The following LGR6 variants were observed in gnomAD, a reference collection of about 807,000 sequenced individuals.
LGR6 encodes leucine-rich repeat-containing G protein-coupled receptor 6.
In LGR6, 45 loss-of-function variants were observed where a neutral mutation model predicts 69.4. The observed-to-expected ratio is 0.65, with a 90% confidence interval of 0.51 to 0.83. LGR6 has a LOEUF of 0.83. Among genes scored for constraint, LGR6 ranks in the 40% least tolerant of loss-of-function variants. The probability of loss-of-function intolerance (pLI) is 0.00; values close to 1 mark genes in which losing one functional copy is unlikely to be tolerated. For missense variants in LGR6, 1,108 were observed against 1,246.7 expected, an observed-to-expected ratio of 0.89 and a Z score of 1.68; for synonymous variants, 538 against 555.0, an observed-to-expected ratio of 0.97 and a Z score of 0.43.
chr1:202,273,837 G>A (rs1161170912), intron 4 of LGR6, among the ~76,000 whole-genome samples: 1 of 151,994 alleles, frequency 6.6e-6, no homozygotes, highest in East Asian at 1.9e-4. Flanking sequence ...TTCCCTCAAG[G>A]CCCTCATTCA....
At chr1:202,254,084 C>T (rs980459036) in intron 4 of LGR6, among the ~76,000 whole-genome samples, 5 of 152,208 alleles carry the variant, frequency 3.3e-5, no homozygotes, top group African/African-American at 7.2e-5. Flanking sequence ...GGATTACAGG[C>T]GTGAGCCACC....
At chr1:202,298,329 C>A (rs1667311540) in intron 7 of LGR6, among the ~76,000 whole-genome samples, 1 of 152,068 alleles carries the variant, frequency 6.6e-6, no homozygotes, top group Non-Finnish European at 1.5e-5. Flanking sequence ...AGAGGCATTT[C>A]AGAGGAAGAA....
At chr1:202,298,952 A>G (rs1468137886) in intron 7 of LGR6, among the ~76,000 whole-genome samples, 1 of 151,772 alleles carries the variant, frequency 6.6e-6, no homozygotes. Flanking sequence ...ATAGGGGACA[A>G]CTGGACCACC....
chr1:202,280,827 G>C lies in LGR6; in HGVS notation c.691G>C (p.Glu231Gln), dbSNP rs546447981. 4 of 1,614,018 alleles carry C rather than the reference G, an allele frequency of 2.5e-6. No homozygotes were observed. Among genetic ancestry groups the C allele is most frequent in the Non-Finnish European group, 2.5e-6 (3 of 1,179,954 alleles). ...RIQHLGTHSF[E>Q]GLHNLETLDL... ...CCAGCATCTGGGGACCCACAGCTTC[G>C]AGGGGCTGCACAATCTGGAGACACT... Residue 231 changes from glutamate (E) to glutamine (Q), a missense_variant, in exon 6 of 18, where the codon GAG becomes CAG. Physicochemically the swap from Glu to Gln is conservative, Grantham distance 29 (BLOSUM62 2). Transcript: ENST00000367278.
chr1:202,214,139 G>A, intron 1 of LGR6: 8 of 1,485,416 alleles, frequency 5.4e-6, no homozygotes, highest in Admixed American at 2.8e-5. Context: ...TGGCACTCGA[G>A]GTCCCAGGGG....
intron 1 of LGR6, among the ~76,000 whole-genome samples, chr1:202,200,583 A>G (rs906714589): frequency 2.0e-5 from 3 of 152,172 alleles, no homozygotes; most frequent in Admixed American, 6.5e-5. Context: ...TCCCTTCCCC[A>G]TGTTGGAAAT....
chr1:202,282,020 G>T (rs988627894), intron 6 of LGR6, among the ~76,000 whole-genome samples: 1 of 152,170 alleles, frequency 6.6e-6, no homozygotes, highest in African/African-American at 2.4e-5. Context: ...CTTTTTTCCT[G>T]TGGGCACAAG....
chr1:202,280,258 A>G (rs1055767980), intron 5 of LGR6, among the ~76,000 whole-genome samples: 2 of 151,978 alleles, frequency 1.3e-5, no homozygotes, highest in African/African-American at 2.4e-5. Context: ...CACCACCTCT[A>G]TAAAGCCTGC....
intron 1 of LGR6, among the ~76,000 whole-genome samples, chr1:202,208,654 AG>A (rs1659348525): frequency 1.3e-5 from 2 of 152,018 alleles, no homozygotes; most frequent in East Asian, 3.9e-4. Context: ...ACGCCACGCC[AG>A]CCCTCGCCTC....
chr1:202,260,059 G>A (rs911519835), intron 4 of LGR6, among the ~76,000 whole-genome samples: 1 of 152,138 alleles, frequency 6.6e-6, no homozygotes, highest in African/African-American at 2.4e-5. Flanking sequence ...TTATTATTAT[G>A]GTTTTCTGAG....
intron 4 of LGR6, among the ~76,000 whole-genome samples, chr1:202,257,725 T>C (rs906871523): frequency 1.3e-5 from 2 of 152,146 alleles, no homozygotes; most frequent in Non-Finnish European, 2.9e-5. Flanking sequence ...TTACTGTAGC[T>C]TTGTAATAAG....
chr1:202,277,790 CAG>C (rs1665697000), intron 5 of LGR6, among the ~76,000 whole-genome samples: 2 of 141,036 alleles, frequency 1.4e-5, no homozygotes, highest in Non-Finnish European at 3.0e-5. Flanking sequence ...ATGATAAATT[CAG>C]ACTCATAGCA....
intron 4 of LGR6, among the ~76,000 whole-genome samples, chr1:202,254,628 C>T (rs544681067): frequency 6.6e-6 from 1 of 152,180 alleles, no homozygotes; most frequent in Non-Finnish European, 1.5e-5. Flanking sequence ...GGCTGTGAGA[C>T]ATGTTCACAA....
In LGR6 at chr1:202,309,075, C is replaced by G; in HGVS notation, c.1305C>G (p.Thr435=). 1 of 1,614,150 alleles carries G rather than the reference C, an allele frequency of 6.2e-7. No individual in the cohort carries two copies. The highest frequency in any genetic ancestry group is 8.5e-7 in the Non-Finnish European group (1 of 1,180,008). The change falls in exon 15 of 18, where the codon ACC becomes ACG. Residue 435 remains threonine, a synonymous_variant. Coordinates refer to ENST00000367278, the MANE Select transcript of LGR6 (RefSeq NM_001017403.2). ...GGGACCTGACAGACAACCAGCTGACCACACTGCCCCTGGCTGGACTTGGGG... is the reference window on the plus strand; with the variant it reads ...GGGACCTGACAGACAACCAGCTGACGACACTGCCCCTGGCTGGACTTGGGG... The part of the protein sequence containing the change: ...VKLDLTDNQL[T]TLPLAGLGGL...
chr1:202,317,703 A>G (rs972954548), intron 17 of LGR6, among the ~76,000 whole-genome samples: 6 of 152,176 alleles, frequency 3.9e-5, no homozygotes, highest in Admixed American at 2.6e-4. Flanking sequence ...CCCCACTTGC[A>G]GCTCTTCGGA....
intron 15 of LGR6, among the ~76,000 whole-genome samples, chr1:202,309,714 C>T (rs2148295776): frequency 6.6e-6 from 1 of 152,344 alleles, no homozygotes; most frequent in Admixed American, 6.5e-5. Context: ...CCTCAGAGGG[C>T]ACCAAATCCA....
In LGR6 at chr1:202,303,267, C is replaced by G; in HGVS notation, c.930-12C>G. Reference sequence around the variant, plus strand: ...GACCCCACCCCTCAGAGCTCATTGTCTCTATTTCCAGATCTCTGAATGGTG... The same window carrying G: ...GACCCCACCCCTCAGAGCTCATTGTGTCTATTTCCAGATCTCTGAATGGTG... On this transcript the variant is annotated splice_polypyrimidine_tract_variant and intron_variant, in intron 9 of 17. Transcript: ENST00000367278. 6.2e-7 allele frequency: 1 copy of G among 1,609,246 alleles called. No homozygotes were observed. Among genetic ancestry groups the G allele is most frequent in the Admixed American group, 1.7e-5 (1 of 60,024 alleles).
intron 1 of LGR6, among the ~76,000 whole-genome samples, chr1:202,217,658 C>T (rs1239554364): frequency 6.6e-6 from 1 of 152,050 alleles, no homozygotes. Flanking sequence ...TCTCTCTCCC[C>T]TCACAAATAA....
At chr1:202,311,921 G>T (rs1653771021) in intron 16 of LGR6, among the ~76,000 whole-genome samples, 1 of 152,146 alleles carries the variant, frequency 6.6e-6, no homozygotes, top group Non-Finnish European at 1.5e-5. Flanking sequence ...CCTAGGGAGG[G>T]TATGAGGACC....
Sources: allele counts gnomAD v4.1 joint callset (sites outside exome capture counted in the v4.1 genomes callset), GRCh38; gene constraint gnomAD v4.1.1; transcripts MANE v1.5; gene names NCBI Gene and HGNC (gene_info 2026-07-23, HGNC 2026-07-21).